Variants in PRSS53 observed in about 807,000 individuals in gnomAD.
PRSS53 encodes the protein serine protease 53, also known as EDTP308.
Under a neutral mutation model 62.7 loss-of-function variants are expected in PRSS53, and 54 were observed. The observed-to-expected ratio is 0.86, with a 90% confidence interval of 0.69 to 1.08. The LOEUF (loss-of-function observed/expected upper bound fraction) is 1.08. Ranked by LOEUF, PRSS53 falls within the 50% of genes least tolerant of loss-of-function variation. The pLI is 0.00. For synonymous variants in PRSS53, 273 were observed against 300.0 expected (o/e 0.91, Z 0.93); for missense variants, 688 against 728.3 (o/e 0.94, Z 0.64).
At chr16:31,084,616 C>T in exon 9 of PRSS53, 1 of 1,607,092 alleles carries the variant, frequency 6.2e-7, no homozygotes, top group Non-Finnish European at 8.5e-7. Flanking sequence ...CAGAATAGGG[C>T]TGCCATCACC....
intron 3 of PRSS53, 43 bp from the exon 4 acceptor site, chr16:31,086,941 T>C (rs770631427): frequency 1.3e-6 from 2 of 1,532,638 alleles, no homozygotes; most frequent in East Asian, 4.6e-5. Flanking sequence ...AGTGCAAGGG[T>C]AGACAGTGAC....
chr16:31,085,980 A>G, exon 6 of PRSS53: 2 of 1,613,778 alleles, frequency 1.2e-6, no homozygotes, highest in Non-Finnish European at 1.7e-6. Context: ...AGCTGTCCTC[A>G]TCACTCATCT....
At chr16:31,086,895 T>C (rs746303464) in exon 4 of PRSS53, 12 of 1,589,308 alleles carry the variant, frequency 7.6e-6, no homozygotes, top group Non-Finnish European at 1.0e-5. Context: ...CTGTTGCTGC[T>C]GCCCTGGAAG....
chr16:31,086,002 G>A, exon 6 of PRSS53: 1 of 1,614,054 alleles, frequency 6.2e-7, no homozygotes, highest in Non-Finnish European at 8.5e-7. Flanking sequence ...CGGGGTCTCT[G>A]GGCTCTGGGC....
At chr16:31,088,684 T>G (rs1052930901) in intron 1 of PRSS53, 68 bp downstream of exon 1, 13 of 1,603,476 alleles carry the variant, frequency 8.1e-6, no homozygotes, top group Non-Finnish European at 1.0e-5. Flanking sequence ...AAGCAGGGAC[T>G]GCTGGGGCAG....
intron 1 of PRSS53, 156 bp from the exon 2 acceptor site, chr16:31,087,982 C>T (rs191513878): frequency 5.6e-5 from 85 of 1,525,226 alleles, no homozygotes; most frequent in Admixed American, 1.8e-4. Flanking sequence ...TATATGAGGC[C>T]GAGACAGCTT....
At chr16:31,088,896 T>A in exon 1 of PRSS53, 1 of 1,575,094 alleles carries the variant, frequency 6.3e-7, no homozygotes, top group Admixed American at 1.8e-5. Context: ...CCACCTCCAG[T>A]TGGCTAGGAT....
chr16:31,085,270 A>G lies in PRSS53; in HGVS notation c.884-10T>C, dbSNP rs751571345. On this transcript the variant is annotated splice_polypyrimidine_tract_variant and intron_variant, in intron 6 of 10. Coordinates refer to ENST00000280606, the Ensembl canonical transcript of PRSS53. ...CTCAAGGATCCACAGGCTGAAACAG[A>G]TAAGTGCCTCATCTGACTTCTTGCT... The G allele has an allele frequency of 6.5e-6, 10 of 1,542,180 alleles. No homozygotes were observed. The highest frequency in any genetic ancestry group is 2.3e-5 in the East Asian group (1 of 44,020).
chr16:31,084,493 C>CTTGAGCTATT lies in PRSS53; in HGVS notation c.1425+55_1425+64dup, dbSNP rs1355239277. 9 of 1,549,728 alleles carry CTTGAGCTATT rather than the reference C, an allele frequency of 5.8e-6. No homozygotes were observed. In the African/African-American group the frequency reaches 1.1e-4, roughly 19 times the overall value. On this transcript the variant is annotated intron_variant, in intron 9 of 10. Coordinates refer to ENST00000280606, the Ensembl canonical transcript of PRSS53. ...AGAGGCCAAGCCTGGAAGGTCCGTT[C>CTTGAGCTATT]TTGAGCTATTGGGTGAGGGGATGCC...
intron 6 of PRSS53, 25 bp downstream of exon 6, chr16:31,085,939 C>T: frequency 6.3e-7 from 1 of 1,589,980 alleles, no homozygotes; most frequent in Non-Finnish European, 8.6e-7. Flanking sequence ...GGCTTCTGCC[C>T]ACTCCCAGCA....
chr16:31,087,167 T>C (rs1488550288), intron 3 of PRSS53: 1 of 523,262 alleles, frequency 1.9e-6, no homozygotes, highest in Non-Finnish European at 3.4e-6. Flanking sequence ...CTGGCTAATT[T>C]TACAGTTTTT....
chr16:31,085,789 G>T (rs1462481837), intron 6 of PRSS53, among the ~76,000 whole-genome samples, 175 bp downstream of exon 6: 1 of 152,148 alleles, frequency 6.6e-6, no homozygotes, highest in East Asian at 1.9e-4. Context: ...CTCCAAACCT[G>T]TAGAGTTCCA....
intron 1 of PRSS53, chr16:31,088,186 T>C (rs1055453491): frequency 8.2e-7 from 1 of 1,225,188 alleles, no homozygotes; most frequent in Middle Eastern, 3.5e-4. Flanking sequence ...ATTGTCCTCT[T>C]AGCAGCAGAG....
At chr16:31,086,986 C>CAG in intron 3 of PRSS53, 88 bp from the exon 4 acceptor site, 3 of 1,372,012 alleles carry the variant, frequency 2.2e-6, no homozygotes, top group Non-Finnish European at 3.0e-6. Context: ...TGGAAGATAG[C>CAG]AGAGAGCACT....
chr16:31,088,256 G>A, intron 1 of PRSS53: 1 of 1,133,544 alleles, frequency 8.8e-7, no homozygotes, highest in Non-Finnish European at 1.1e-6. Context: ...CCCAAGAAAT[G>A]GAGACTTACC....
rs754935653 is a variant in PRSS53 at position 31,084,730 on chromosome 16, C to G, written c.1280-27G>C. 2.6e-5 allele frequency: 41 copies of G among 1,601,952 alleles called. 1 individual carries two copies. The highest frequency in any genetic ancestry group is 3.3e-5 in the Non-Finnish European group (39 of 1,172,498). On this transcript the variant is annotated intron_variant, in intron 8 of 10. Transcript: ENST00000280606. Reference sequence around the variant, plus strand: ...TGTGGAGCAAGGGAAAGCTGGCTGCCCCGGCCTGCAGGTTGGATGGACAGC... The same window carrying G: ...TGTGGAGCAAGGGAAAGCTGGCTGCGCCGGCCTGCAGGTTGGATGGACAGC...
chr16:31,084,498 G>C, intron 9 of PRSS53, 60 bp downstream of exon 9: 1 of 1,554,852 alleles, frequency 6.4e-7, no homozygotes, highest in Non-Finnish European at 8.7e-7. Flanking sequence ...CCGTTCTTGA[G>C]CTATTGGGTG....
intron 5 of PRSS53, 21 bp from the exon 6 acceptor site, chr16:31,086,204 C>T: frequency 6.2e-7 from 1 of 1,604,598 alleles, no homozygotes; most frequent in Non-Finnish European, 8.5e-7. Context: ...GCAACAAAGC[C>T]AAGGACAGAT....
At position 31,088,882 on chromosome 16, in the gene PRSS53, T is replaced by TGCTCCACCTCC; in HGVS notation, c.-84_-74dup. 2.5e-6 allele frequency: 4 copies of TGCTCCACCTCC among 1,595,826 alleles called. No individual in the cohort carries two copies. The South Asian group carries it at 4.5e-5, about 18-fold the overall frequency. On this transcript the variant is annotated 5_prime_UTR_variant, in exon 1 of 11. Transcript: ENST00000280606. ...ACCTGGGTCTCCCTGGCTCCACCTC[T>TGCTCCACCTCC]GCTCCACCTCCAGTTGGCTAGGATT...
Sources: gnomAD v4.1 joint callset for allele counts (sites outside exome capture counted in the v4.1 genomes callset) on GRCh38, gnomAD v4.1.1 for gene constraint, MANE v1.5 for transcripts, NCBI Gene and HGNC (gene_info 2026-07-23, HGNC 2026-07-21) for gene names.